Variants in NXPE3 observed in about 807,000 individuals in gnomAD.
NXPE3 encodes NXPE family member 3.
A neutral mutation model predicts 46.1 loss-of-function variants in NXPE3; 26 were observed. The ratio of observed to expected loss-of-function variants is 0.56; its 90% confidence interval spans 0.41 to 0.78. The LOEUF (loss-of-function observed/expected upper bound fraction) is 0.78, where lower values mean the gene tolerates loss of function less well. Among genes scored for constraint, NXPE3 ranks in the 30% least tolerant of loss-of-function variants. The probability of loss-of-function intolerance (pLI) is 0.00; values close to 1 mark genes in which losing one functional copy is unlikely to be tolerated. For synonymous variants in NXPE3, 272 were observed against 257.9 expected, an observed-to-expected ratio of 1.05 and a Z score of -0.52; for missense variants, 620 against 686.0, an observed-to-expected ratio of 0.90 and a Z score of 1.07.
At chr3:101,785,814 C>G in intron 4 of NXPE3, 125 bp downstream of exon 4, 1 of 763,414 alleles carries the variant, frequency 1.3e-6, no homozygotes, top group Non-Finnish European at 2.3e-6. Context: ...TTCATTTATT[C>G]GGTAAGTATT....
intron 4 of NXPE3, among the ~76,000 whole-genome samples, chr3:101,800,019 T>C (rs1941051044): frequency 6.6e-6 from 1 of 152,174 alleles, no homozygotes; most frequent in Admixed American, 6.5e-5. Context: ...GCTTTGGGTT[T>C]CATTGATTTT....
At chr3:101,814,234 C>CT (rs1220686659) in intron 6 of NXPE3, among the ~76,000 whole-genome samples, 8 of 152,212 alleles carry the variant, frequency 5.3e-5, no homozygotes, top group Admixed American at 3.9e-4. Context: ...CTGGAGCTCT[C>CT]TAACTATGCA....
intron 4 of NXPE3, among the ~76,000 whole-genome samples, chr3:101,789,736 G>C (rs1369715961): frequency 6.6e-6 from 1 of 151,754 alleles, no homozygotes; most frequent in Admixed American, 6.6e-5. Flanking sequence ...CTGTCACCTA[G>C]GCTGGAGTGC....
At chr3:101,792,691 G>C (rs1333442436) in intron 4 of NXPE3, among the ~76,000 whole-genome samples, 1 of 152,172 alleles carries the variant, frequency 6.6e-6, no homozygotes, top group Non-Finnish European at 1.5e-5. Flanking sequence ...TTGAAGTCAG[G>C]TAACATGATG....
rs1000537403 is a variant in NXPE3 at position 101,827,838 on chromosome 3, C to G, written c.*5884C>G. 6.6e-6 allele frequency among the ~76,000 whole-genome samples: 1 copy of G among 152,146 alleles called. No individual in the cohort carries two copies. The highest frequency in any genetic ancestry group is 1.5e-5 in the Non-Finnish European group (1 of 68,024). On this transcript the variant is annotated 3_prime_UTR_variant, in exon 8 of 8. Transcript: ENST00000273347. The stretch of plus-strand genomic sequence containing the variant: ...CTGCCCCCTCCCTGCCTCCTCTGGC[C>G]CTCCTCAGTGCCCACGCAACCCGGT...
chr3:101,791,520 C>T (rs541732683), intron 4 of NXPE3, among the ~76,000 whole-genome samples: 3 of 151,924 alleles, frequency 2.0e-5, no homozygotes, highest in African/African-American at 7.3e-5. Context: ...CAAGTAACTG[C>T]GATTACAGAT....
chr3:101,816,271 CTT>C (rs373174596), intron 6 of NXPE3, among the ~76,000 whole-genome samples: 3 of 147,470 alleles, frequency 2.0e-5, no homozygotes, highest in Non-Finnish European at 4.5e-5. Context: ...AAAGGAAAAC[CTT>C]TTTTTTTTTT....
Position 101,782,697 on chromosome 3 carries a change from T to C in NXPE3, c.-279T>C, listed in dbSNP as rs1330168548. The C allele has an allele frequency of 3.3e-5, 5 of 152,122 alleles. No individual in the cohort carries two copies. The highest frequency in any genetic ancestry group is 7.4e-5 in the Non-Finnish European group (5 of 68,026). The allele number at this position is 152,122 out of a possible 1,614,324, so 9.4% of individuals were successfully genotyped here. A position where few individuals can be genotyped will look rare whatever the true frequency, so the allele number is the denominator to read the frequency against. ...TTGCCCAGGCTGGAGTACATTGGTG[T>C]GATGATCATGGTTCACTGCAGCCTC... On this transcript the variant is annotated 5_prime_UTR_variant, in exon 3 of 8. Coordinates refer to ENST00000273347, the MANE Select transcript of NXPE3 (RefSeq NM_145037.4).
rs923371912 is a variant in NXPE3, at chr3:101,806,186, A to G, written c.849-867A>G. Among the ~76,000 whole-genome samples, 5 of 152,208 alleles carry G rather than the reference A, an allele frequency of 3.3e-5. No individual in the cohort carries two copies. The East Asian group carries it at 5.8e-4, about 18-fold the overall frequency. On this transcript the variant is annotated intron_variant, in intron 5 of 7. Transcript: ENST00000273347. ...AGCTTAAGAATTATTTGTTGAATAA[A>G]CAGTTTTTTCTGAAATTGATGAAAT... is the stretch of plus-strand genomic sequence containing the variant.
chr3:101,786,835 G>A (rs556224802), intron 4 of NXPE3, among the ~76,000 whole-genome samples: 9 of 152,246 alleles, frequency 5.9e-5, no homozygotes, highest in African/African-American at 2.2e-4. Flanking sequence ...CAATTGAGTA[G>A]CATTAAGTAC....
rs1941994203 is a variant in NXPE3 at position 101,816,856 on chromosome 3, A to T, written c.984A>T (p.Lys328Asn). The change falls in exon 7 of 8, where the codon AAA (lysine) becomes AAT (asparagine). Residue 328 changes from lysine (K) to asparagine (N), a missense_variant. Transcript: ENST00000273347. ...SGTFPSGYYY[K>N]DQWRPRKFKM... Reference sequence around the variant, plus strand: ...CTTTTCCTTCTGGGTATTATTATAAAGACCAGTGGAGGCCCAGAAAGTTTA... The same window carrying T: ...CTTTTCCTTCTGGGTATTATTATAATGACCAGTGGAGGCCCAGAAAGTTTA... 6.2e-7 allele frequency: 1 copy of T among 1,614,144 alleles called. No homozygotes were observed.
At position 101,810,423 on chromosome 3, in the gene NXPE3, C is replaced by T. The variant is rs9842819; in HGVS notation, c.922+3297C>T. 1.0e-3 allele frequency among the ~76,000 whole-genome samples: 157 copies of T among 152,296 alleles called. 1 individual carries two copies. Among genetic ancestry groups the T allele is most frequent in the African/African-American group, 3.6e-3 (149 of 41,556 alleles). Reference sequence around the variant, plus strand: ...GGCAGGTTGAATACTAAGATGACTTCCAGTGATCTATGCTCTTACATAATC... The same window carrying T: ...GGCAGGTTGAATACTAAGATGACTTTCAGTGATCTATGCTCTTACATAATC... On this transcript the variant is annotated intron_variant, in intron 6 of 7. Coordinates refer to ENST00000273347, the MANE Select transcript of NXPE3 (RefSeq NM_145037.4).
chr3:101,818,875 C>T (rs190776676), intron 7 of NXPE3, among the ~76,000 whole-genome samples: 54 of 143,656 alleles, frequency 3.8e-4, no homozygotes, highest in Middle Eastern at 4.0e-3. Flanking sequence ...ATGTGATTCT[C>T]CTGCCTCAGC....
chr3:101,786,775 G>A (rs1354042271), intron 4 of NXPE3, among the ~76,000 whole-genome samples: 1 of 152,064 alleles, frequency 6.6e-6, no homozygotes, highest in African/African-American at 2.4e-5. Flanking sequence ...AGTATTTTTT[G>A]TGGTAAATAA....
At chr3:101,807,158 G>T in intron 6 of NXPE3, 32 bp downstream of exon 6, 1 of 1,542,286 alleles carries the variant, frequency 6.5e-7, no homozygotes, top group South Asian at 1.1e-5. Context: ...ATGATTTGTT[G>T]TTTTTCTTAC....
intron 6 of NXPE3, among the ~76,000 whole-genome samples, chr3:101,813,361 G>A (rs1367788477): frequency 1.4e-5 from 2 of 146,770 alleles, no homozygotes; most frequent in African/African-American, 2.5e-5. Flanking sequence ...TCCCTGCCCC[G>A]CCCCACCTCA....
rs377023552 is a variant in NXPE3, at chr3:101,785,708, C to A, written c.93+19C>A. The A allele has an allele frequency of 1.2e-4, 197 of 1,600,492 alleles. No individual in the cohort carries two copies. The African/African-American group carries it at 2.4e-3, about 20-fold the overall frequency. ...GGTAGAGGTGAGTACCCAGTATAAT[C>A]CCTCATAACTAAGGGAGCCGAGTCT... On this transcript the variant is annotated intron_variant, in intron 4 of 7. Transcript: ENST00000273347.
intron 4 of NXPE3, among the ~76,000 whole-genome samples, chr3:101,794,360 C>T (rs940224553): frequency 6.6e-6 from 1 of 152,128 alleles, no homozygotes; most frequent in Non-Finnish European, 1.5e-5. Context: ...GTGTTCCTTC[C>T]TCTGACCTAA....
intron 6 of NXPE3, among the ~76,000 whole-genome samples, chr3:101,809,963 G>GT (rs921543080): frequency 1.3e-5 from 2 of 152,106 alleles, no homozygotes; most frequent in African/African-American, 2.4e-5. Flanking sequence ...ATATTTTGAA[G>GT]TTTTTTCCCT....
Sources: gnomAD v4.1 joint callset for allele counts (sites outside exome capture counted in the v4.1 genomes callset) on GRCh38, gnomAD v4.1.1 for gene constraint, MANE v1.5 for transcripts, NCBI Gene and HGNC (gene_info 2026-07-23, HGNC 2026-07-21) for gene names.